The following CSMD1 variants were observed in gnomAD, a reference collection of about 807,000 sequenced individuals.
CSMD1 encodes CUB and Sushi multiple domains 1, also known as CUB and sushi domain-containing protein 1.
CSMD1 carries 213 observed loss-of-function variants against 417.5 expected under a neutral mutation model. The observed-to-expected ratio is 0.51, with a 90% CI of 0.46 to 0.57. The LOEUF is 0.57. CSMD1 is among the 20% of genes least tolerant of loss of function. The pLI is 0.00. For synonymous variants in CSMD1, 2,862 were observed against 1,736.8 expected, an observed-to-expected ratio of 1.65 and a Z score of -16.11; for missense variants, 6,923 against 4,529.7, an observed-to-expected ratio of 1.53 and a Z score of -15.17.
chr8:3,396,563 A>G lies in CSMD1; in HGVS notation c.2406-182T>C, dbSNP rs536916180. ...GATAGTATGTTCTTTTCTTGATGAG[A>G]CGGCACAGCTTAAATCCCTTTCTCT... On this transcript the variant is annotated intron_variant, in intron 16 of 69. Coordinates refer to ENST00000635120, the MANE Select transcript of CSMD1 (RefSeq NM_033225.6). 3.3e-5 allele frequency among the ~76,000 whole-genome samples: 5 copies of G among 152,276 alleles called. No individual in the cohort carries two copies. The South Asian group carries it at 1.0e-3, about 32-fold the overall frequency.
At chr8:4,163,064 C>A (rs1021405392) in intron 3 of CSMD1, among the ~76,000 whole-genome samples, 1 of 152,120 alleles carries the variant, frequency 6.6e-6, no homozygotes, top group South Asian at 2.1e-4. Context: ...GCATGGCTTT[C>A]GGTTAATTTT....
chr8:3,987,293 G>T (rs1365921194), intron 5 of CSMD1, among the ~76,000 whole-genome samples: 1 of 152,174 alleles, frequency 6.6e-6, no homozygotes, highest in African/African-American at 2.4e-5. Context: ...CATGTTCTGT[G>T]ATGACCTCAC....
At chr8:4,703,680 T>G (rs1282920879) in intron 1 of CSMD1, among the ~76,000 whole-genome samples, 1 of 152,136 alleles carries the variant, frequency 6.6e-6, no homozygotes, top group Non-Finnish European at 1.5e-5. Flanking sequence ...AGTAGTTGAC[T>G]TAGCATTGCC....
intron 46 of CSMD1, among the ~76,000 whole-genome samples, chr8:3,101,840 C>T (rs1356122546): frequency 7.2e-6 from 1 of 138,244 alleles, no homozygotes; most frequent in Non-Finnish European, 1.5e-5. Context: ...CTTGCTCTGT[C>T]GCTCAGGCTG....
At chr8:4,771,356 G>A (rs1292445130) in intron 1 of CSMD1, among the ~76,000 whole-genome samples, 1 of 152,202 alleles carries the variant, frequency 6.6e-6, no homozygotes, top group Non-Finnish European at 1.5e-5. Context: ...AAGAACACCA[G>A]GCTTTGGGCC....
At chr8:4,814,640 G>A (rs907929917) in intron 1 of CSMD1, among the ~76,000 whole-genome samples, 1 of 152,130 alleles carries the variant, frequency 6.6e-6, no homozygotes, top group Non-Finnish European at 1.5e-5. Context: ...GTCTTCATGT[G>A]CTGTATACTA....
Position 3,284,137 on chromosome 8 carries a change from C to T in CSMD1, c.4153+7G>A, listed in dbSNP as rs1740048568. 6.4e-7 allele frequency: 1 copy of T among 1,555,136 alleles called. No individual in the cohort carries two copies. The highest frequency in any genetic ancestry group is 8.7e-7 in the Non-Finnish European group (1 of 1,148,622). ...AAGGTAAAGAAGAAGCACGCTGTGC[C>T]ACCTACTGGAGAACTGGATGGAGAA... On this transcript the variant is annotated splice_region_variant and intron_variant, in intron 26 of 69. Coordinates refer to ENST00000635120, the MANE Select transcript of CSMD1 (RefSeq NM_033225.6).
chr8:4,202,733 A>G (rs1452020029), intron 3 of CSMD1, among the ~76,000 whole-genome samples: 1 of 152,234 alleles, frequency 6.6e-6, no homozygotes, highest in Non-Finnish European at 1.5e-5. Flanking sequence ...TATTTACTTA[A>G]TAACTAAGTG....
At position 4,636,953 on chromosome 8, in the gene CSMD1, C is replaced by T. The variant is rs150787527; in HGVS notation, c.302+389G>A. 3.8e-3 allele frequency among the ~76,000 whole-genome samples: 585 copies of T among 152,204 alleles called. 4 individuals carry two copies. The highest frequency in any genetic ancestry group is 0.014 in the African/African-American group (564 of 41,520). The stretch of plus-strand genomic sequence containing the variant: ...ATGCACCAATCAGCGCTCTATAAAA[C>T]ACACCAATCAGCAGGATCGTAAAAG... On this transcript the variant is annotated intron_variant, in intron 2 of 69. Coordinates refer to ENST00000635120, the MANE Select transcript of CSMD1 (RefSeq NM_033225.6).
chr8:4,753,942 G>C (rs141323215), intron 1 of CSMD1, among the ~76,000 whole-genome samples: 2 of 152,164 alleles, frequency 1.3e-5, no homozygotes, highest in African/African-American at 4.8e-5. Context: ...TGCTTTATGT[G>C]CTGCCAATTT....
At chr8:4,224,386 C>T (rs1801221811) in intron 3 of CSMD1, among the ~76,000 whole-genome samples, 1 of 152,222 alleles carries the variant, frequency 6.6e-6, no homozygotes, top group Middle Eastern at 3.4e-3. Flanking sequence ...ATTTTGATGC[C>T]AATTCAACTT....
intron 6 of CSMD1, among the ~76,000 whole-genome samples, chr8:3,709,116 T>C (rs946917086): frequency 2.0e-5 from 3 of 151,274 alleles, no homozygotes; most frequent in African/African-American, 7.3e-5. Context: ...TGTTTCTTGA[T>C]GTACTACGGC....
chr8:3,648,925 T>A (rs1797711996), intron 7 of CSMD1, among the ~76,000 whole-genome samples: 1 of 152,174 alleles, frequency 6.6e-6, no homozygotes, highest in African/African-American at 2.4e-5. Context: ...TAACAACAGC[T>A]ATTTTTTTTT....
At chr8:4,767,620 A>G (rs760758794) in intron 1 of CSMD1, among the ~76,000 whole-genome samples, 2 of 152,142 alleles carry the variant, frequency 1.3e-5, no homozygotes, top group Non-Finnish European at 2.9e-5. Context: ...GCGACCTGCT[A>G]TTACTTTAAG....
intron 3 of CSMD1, among the ~76,000 whole-genome samples, chr8:4,398,118 G>C (rs1804383139): frequency 6.6e-6 from 1 of 152,070 alleles, no homozygotes; most frequent in South Asian, 2.1e-4. Flanking sequence ...TGTTGCTAAT[G>C]CCACATCTGG....
At chr8:4,798,962 T>G (rs561928832) in intron 1 of CSMD1, among the ~76,000 whole-genome samples, 2 of 152,164 alleles carry the variant, frequency 1.3e-5, no homozygotes, top group Non-Finnish European at 2.9e-5. Flanking sequence ...AAATTCACTC[T>G]CCATGCTTCT....
rs560413828 is a variant in CSMD1, at chr8:3,934,519, C to T, written c.818+63384G>A. Among the ~76,000 whole-genome samples, 185 of 152,176 alleles carry T rather than the reference C, an allele frequency of 1.2e-3. 1 individual carries two copies. Among genetic ancestry groups the T allele is most frequent in the Non-Finnish European group, 2.0e-3 (135 of 68,002 alleles). ...TTGAAGGAAAGGTAATGAGGCCAGACCTAAACAAGTGCTGCCTTTATCACT... is the reference window on the plus strand; with the variant it reads ...TTGAAGGAAAGGTAATGAGGCCAGATCTAAACAAGTGCTGCCTTTATCACT... On this transcript the variant is annotated intron_variant, in intron 5 of 69. Transcript: ENST00000635120.
At chr8:4,821,808 C>T (rs945456238) in intron 1 of CSMD1, among the ~76,000 whole-genome samples, 2 of 152,114 alleles carry the variant, frequency 1.3e-5, no homozygotes, top group African/African-American at 4.8e-5. Context: ...GTACGTGTAA[C>T]TAAATAAAAG....
chr8:4,821,068 G>A (rs1334416336), intron 1 of CSMD1, among the ~76,000 whole-genome samples: 1 of 152,086 alleles, frequency 6.6e-6, no homozygotes, highest in South Asian at 2.1e-4. Flanking sequence ...GGAGGGGAAA[G>A]AGATCTTCCT....
Sources: allele counts gnomAD v4.1 joint callset (sites outside exome capture counted in the v4.1 genomes callset), GRCh38; gene constraint gnomAD v4.1.1; transcripts MANE v1.5; gene names NCBI Gene and HGNC (gene_info 2026-07-23, HGNC 2026-07-21).